The following SYT7 variants were observed in gnomAD, a reference collection of about 807,000 sequenced individuals.
SYT7 encodes synaptotagmin-7.
SYT7 carries 29 observed loss-of-function variants against 75.1 expected under a neutral mutation model. That is an observed-to-expected ratio of 0.39 (90% CI 0.29 to 0.53). The LOEUF is 0.53. Among genes scored for constraint, SYT7 ranks in the 20% least tolerant of loss-of-function variants. The probability of loss-of-function intolerance (pLI) is 0.77; values close to 1 mark genes in which losing one functional copy is unlikely to be tolerated. For synonymous variants in SYT7, 376 were observed against 401.7 expected (o/e 0.94, Z 0.76); for missense variants, 693 against 953.2 (o/e 0.73, Z 3.59).
intron 7 of SYT7, 102 bp from the exon 8 acceptor site, chr11:61,533,226 T>C: frequency 1.4e-6 from 2 of 1,476,224 alleles, no homozygotes; most frequent in South Asian, 1.4e-5. Flanking sequence ...CCCCAGCAGC[T>C]GCCATGCCCG....
At chr11:61,572,516 C>T (rs1649075787) in intron 1 of SYT7, among the ~76,000 whole-genome samples, 1 of 152,190 alleles carries the variant, frequency 6.6e-6, no homozygotes, top group African/African-American at 2.4e-5. Flanking sequence ...CTTATTCCTG[C>T]TCTACTGAGT....
chr11:61,545,563 G>A (rs1225820866), intron 5 of SYT7, among the ~76,000 whole-genome samples: 2 of 152,232 alleles, frequency 1.3e-5, no homozygotes, highest in African/African-American at 4.8e-5. Context: ...CTCAACTTCT[G>A]GGTCTAGAGC....
intron 2 of SYT7, among the ~76,000 whole-genome samples, chr11:61,552,984 T>C (rs1048118227): frequency 6.6e-6 from 1 of 152,176 alleles, no homozygotes; most frequent in African/African-American, 2.4e-5. Context: ...TGGTACTTAG[T>C]GTGGAACCTG....
At position 61,542,290 on chromosome 11, in the gene SYT7, G is replaced by A. The variant is rs978466259; in HGVS notation, c.862C>T (p.Arg288Cys). The A allele has an allele frequency of 5.2e-6, 8 of 1,534,762 alleles. No homozygotes were observed. The highest frequency in any genetic ancestry group is 2.4e-5 in the South Asian group (2 of 84,024). ...CAGCTGCCTGGGTTGGAGCGGCTGC[G>A]GCCCCCTGCCGCCCGGTACTTGGAG... ...AGSKYRAAGG[R>C]SRSNPGSWDH... The change falls in exon 6 of 13, where the codon CGC becomes TGC. Residue 288 changes from arginine to cysteine, a missense_variant. Arg to Cys is a radical substitution (Grantham distance 180, BLOSUM62 -3). Around this residue, in one of 2 missense-constraint regions of SYT7, gnomAD observed 487 missense variants for 593.2 expected, o/e 0.82. Transcript: ENST00000539008. The surrounding 1 kb of genome is among the most constrained non-coding windows in gnomAD (Gnocchi z 7.8).
upstream of SYT7, among the ~76,000 whole-genome samples, chr11:61,582,223 G>C (rs549396773): frequency 4.2e-4 from 64 of 152,088 alleles, no homozygotes; most frequent in Non-Finnish European, 7.4e-5. Flanking sequence ...TGATGGGTCA[G>C]GTAAGAGGGC....
intron 1 of SYT7, among the ~76,000 whole-genome samples, chr11:61,572,433 T>C (rs1202419263): frequency 6.6e-6 from 1 of 152,110 alleles, no homozygotes; most frequent in Non-Finnish European, 1.5e-5. Context: ...TAGAGCCTAG[T>C]AGGATAAGGA....
At chr11:61,552,091 GC>G (rs1212419855) in intron 2 of SYT7, among the ~76,000 whole-genome samples, 2 of 152,072 alleles carry the variant, frequency 1.3e-5, no homozygotes, top group Non-Finnish European at 2.9e-5. Context: ...GGCAGCCTGG[GC>G]CCCTGCCCCC....
Position 61,516,988 on chromosome 11 carries a change from G to A in SYT7, c.*1639C>T. The A allele has an allele frequency of 2.9e-6, 1 of 341,920 alleles. No individual in the cohort carries two copies. Among genetic ancestry groups the A allele is most frequent in the Non-Finnish European group, 5.2e-6 (1 of 190,540 alleles). The allele number at this position is 341,920 out of a possible 1,614,324, so 21.2% of individuals were successfully genotyped here. On this transcript the variant is annotated 3_prime_UTR_variant, in exon 13 of 13. Coordinates refer to ENST00000539008, the MANE Select transcript of SYT7 (RefSeq NM_001365809.2). This position sits in a 1 kb window ranked among gnomAD's most constrained non-coding sequence, Gnocchi z 4.6. ...TCCCAAATGCCAATGGTCTCCCCAC[G>A]CCCTGGATGTGGGGACCCTATCCAG...
In SYT7 at chr11:61,523,413, C is replaced by A; in HGVS notation, c.1757-139G>T. On this transcript the variant is annotated intron_variant, in intron 11 of 12. Transcript: ENST00000539008. The surrounding 1 kb of genome is among the most constrained non-coding windows in gnomAD (Gnocchi z 5.0). ...AGGCAAGGAAAGACCCAGGCAAGAACAAGAGGGACCTGGGAGAATCAGCAG... is the reference window on the plus strand; with the variant it reads ...AGGCAAGGAAAGACCCAGGCAAGAAAAAGAGGGACCTGGGAGAATCAGCAG... The A allele has an allele frequency of 6.4e-6, 5 of 777,762 alleles. No homozygotes were observed. The highest frequency in any genetic ancestry group is 1.7e-5 in the South Asian group (1 of 59,266). 48.2% of individuals were successfully genotyped at this position (777,762 alleles called of 1,614,324 possible). A position where few individuals can be genotyped will look rare whatever the true frequency, so the allele number is the denominator to read the frequency against.
In SYT7 at chr11:61,580,042, A is replaced by G. The variant is rs1240657683; in HGVS notation, c.31+748T>C. 6.6e-6 allele frequency among the ~76,000 whole-genome samples: 1 copy of G among 152,140 alleles called. No homozygotes were observed. Among genetic ancestry groups the G allele is most frequent in the Non-Finnish European group, 1.5e-5 (1 of 68,004 alleles). On this transcript the variant is annotated intron_variant, in intron 1 of 12. Coordinates refer to ENST00000539008, the MANE Select transcript of SYT7 (RefSeq NM_001365809.2). The surrounding 1 kb of genome is among the most constrained non-coding windows in gnomAD (Gnocchi z 6.1). ...TTGGCTTAGAGGATACCAAGCAGAC[A>G]GTGGGCTCCCAGGCCACTCCCCTGG...
At chr11:61,548,620 C>T (rs1300429522) in intron 3 of SYT7, among the ~76,000 whole-genome samples, 1 of 152,182 alleles carries the variant, frequency 6.6e-6, no homozygotes, top group Non-Finnish European at 1.5e-5. Context: ...GGCTGTGCCG[C>T]TCCCCAAAGC....
intron 1 of SYT7, among the ~76,000 whole-genome samples, chr11:61,579,081 G>A (rs1020934300): frequency 6.6e-6 from 1 of 152,190 alleles, no homozygotes; most frequent in Non-Finnish European, 1.5e-5. Flanking sequence ...GGAGGAAAGA[G>A]GAGGGAGGGA....
chr11:61,515,889 A>G lies in SYT7; in HGVS notation c.*2738T>C, dbSNP rs2062137308. 6.5e-6 allele frequency: 1 copy of G among 152,714 alleles called. No individual in the cohort carries two copies. The allele number at this position is 152,714 out of a possible 1,614,324, so 9.5% of individuals were successfully genotyped here. A position where few individuals can be genotyped will look rare whatever the true frequency, so the allele number is the denominator to read the frequency against. ...TCTGGAGGCTCTGTGGGGGAGGGGC[A>G]GGTGGGCCTTGCAGTCAGGATTCGG... On this transcript the variant is annotated 3_prime_UTR_variant, in exon 13 of 13. Transcript: ENST00000539008.
intron 1 of SYT7, among the ~76,000 whole-genome samples, chr11:61,561,837 C>T (rs780270306): frequency 3.9e-5 from 6 of 152,068 alleles, no homozygotes; most frequent in Non-Finnish European, 7.4e-5. Flanking sequence ...ATGACGAGCT[C>T]GGCGTCTGAC....
At chr11:61,527,199 C>G (rs1489957378) in intron 9 of SYT7, among the ~76,000 whole-genome samples, 1 of 152,174 alleles carries the variant, frequency 6.6e-6, no homozygotes, top group East Asian at 1.9e-4. Context: ...AGCTGTGGTT[C>G]CCGTCCCATG....
upstream of SYT7, among the ~76,000 whole-genome samples, chr11:61,585,969 G>A (rs78953798): frequency 2.1e-3 from 316 of 152,300 alleles, 1 homozygote; most frequent in African/African-American, 7.4e-3. Context: ...CTGGGGAGAT[G>A]GCAAGGGCTG....
chr11:61,575,903 C>T (rs1306943106), intron 1 of SYT7, among the ~76,000 whole-genome samples: 1 of 152,216 alleles, frequency 6.6e-6, no homozygotes, highest in Non-Finnish European at 1.5e-5. Flanking sequence ...TCCCCTTCCA[C>T]CCGTGGGCTC....
Position 61,524,347 on chromosome 11 carries a change from A to C in SYT7, c.1641+16T>G, listed in dbSNP as rs776662734. 6.2e-7 allele frequency: 1 copy of C among 1,613,384 alleles called. No homozygotes were observed. Among genetic ancestry groups the C allele is most frequent in the South Asian group, 1.1e-5 (1 of 91,008 alleles). On this transcript the variant is annotated intron_variant, in intron 10 of 12. Coordinates refer to ENST00000539008, the MANE Select transcript of SYT7 (RefSeq NM_001365809.2). The surrounding 1 kb of genome is among the most constrained non-coding windows in gnomAD (Gnocchi z 4.1). ...CCTGCTGCCTGTCCAGCTAAGACCCACCCATGGGGCCTTACACTCCCATCG... is the reference window on the plus strand; with the variant it reads ...CCTGCTGCCTGTCCAGCTAAGACCCCCCCATGGGGCCTTACACTCCCATCG...
At position 61,542,496 on chromosome 11, in the gene SYT7, C is replaced by T. The variant is rs1020508406; in HGVS notation, c.656G>A (p.Arg219His). The T allele has an allele frequency of 5.7e-5, 87 of 1,532,370 alleles. No individual in the cohort carries two copies. The highest frequency in any genetic ancestry group is 7.3e-5 in the Non-Finnish European group (84 of 1,145,702). 94.9% of individuals were successfully genotyped at this position (1,532,370 alleles called of 1,614,324 possible). A position where few individuals can be genotyped will look rare whatever the true frequency, so the allele number is the denominator to read the frequency against. Reference sequence around the variant, plus strand: ...CAGGCTCTGCTGCCGCATCAGGGTGCGGGGTCGCTGGCATTTCGGCTCTCC... The same window carrying T: ...CAGGCTCTGCTGCCGCATCAGGGTGTGGGGTCGCTGGCATTTCGGCTCTCC... ...STGEPKCQRPRTLMRQQSLQQ... is the reference protein window; with the variant it reads ...STGEPKCQRPHTLMRQQSLQQ... The change falls in exon 6 of 13, where the codon CGC becomes CAC. Residue 219 changes from arginine (R) to histidine (H), a missense_variant. Physicochemically the swap from Arg to His is conservative, Grantham distance 29. Around this residue, in one of 2 missense-constraint regions of SYT7, gnomAD observed 487 missense variants for 593.2 expected, o/e 0.82. Coordinates refer to ENST00000539008, the MANE Select transcript of SYT7 (RefSeq NM_001365809.2). The surrounding 1 kb of genome is among the most constrained non-coding windows in gnomAD (Gnocchi z 7.8).
Sources: allele counts gnomAD v4.1 joint callset (sites outside exome capture counted in the v4.1 genomes callset), GRCh38; gene constraint gnomAD v4.1.1; regional missense constraint gnomAD v4.1.1; non-coding constraint Gnocchi (gnomAD v3.1); transcripts MANE v1.5; gene names NCBI Gene and HGNC (gene_info 2026-07-23, HGNC 2026-07-21).